ANO4: variants seen among roughly 807,000 people sequenced by gnomAD.
The protein encoded by ANO4 is anoctamin 4, also known as anoctamin-4.
Under a neutral mutation model 141.9 loss-of-function variants are expected in ANO4, and 69 were observed. The observed-to-expected ratio is 0.49, with a 90% CI of 0.40 to 0.59. ANO4 has a LOEUF of 0.59. Among genes scored for constraint, ANO4 ranks in the 20% least tolerant of loss-of-function variants. ANO4 has a pLI of 0.00. For missense variants in ANO4, 894 were observed against 1,162.2 expected, an observed-to-expected ratio of 0.77 and a Z score of 3.36; for synonymous variants, 350 against 394.3, an observed-to-expected ratio of 0.89 and a Z score of 1.33.
intron 1 of ANO4, among the ~76,000 whole-genome samples, chr12:100,896,637 G>T (rs2040367775): frequency 6.6e-6 from 1 of 152,174 alleles, no homozygotes; most frequent in Admixed American, 6.5e-5. Flanking sequence ...GTTAAATTGG[G>T]CTTTGGGAAC....
Position 100,902,906 on chromosome 12 carries a change from G to A in ANO4, c.55+1066G>A, listed in dbSNP as rs187807584. On this transcript the variant is annotated intron_variant, in intron 2 of 27. Coordinates refer to ENST00000392977, the MANE Select transcript of ANO4 (RefSeq NM_001286615.2). Reference sequence around the variant, plus strand: ...CACCTCTTCTGAAGCTTCCTCAGGAGAATGTGTCCTCTTGTTTTCATCTCT... The same window carrying A: ...CACCTCTTCTGAAGCTTCCTCAGGAAAATGTGTCCTCTTGTTTTCATCTCT... 5.3e-4 allele frequency among the ~76,000 whole-genome samples: 81 copies of A among 152,286 alleles called. No homozygotes were observed. In the Middle Eastern group the frequency reaches 0.01, roughly 19 times the overall value.
chr12:100,874,039 C>G (rs567806969), intron 1 of ANO4, among the ~76,000 whole-genome samples: 1 of 152,186 alleles, frequency 6.6e-6, no homozygotes, highest in Admixed American at 6.5e-5. Context: ...CAGCCATAAG[C>G]GTTGGTAGCT....
intron 3 of ANO4, among the ~76,000 whole-genome samples, chr12:100,784,313 A>G (rs964695722): frequency 6.6e-6 from 1 of 152,024 alleles, no homozygotes; most frequent in Non-Finnish European, 1.5e-5. Flanking sequence ...TCTTGTAGGG[A>G]TCTTCTAACT....
chr12:101,022,041 C>CAAAAAAAAA (rs34942464), intron 9 of ANO4, among the ~76,000 whole-genome samples: 1 of 76,114 alleles, frequency 1.3e-5, no homozygotes, highest in Non-Finnish European at 2.9e-5. Context: ...ATGACTCTGC[C>CAAAAAAAAA]AAAAAAAAAA....
At chr12:101,006,234 G>A (rs771683775) in intron 8 of ANO4, among the ~76,000 whole-genome samples, 5 of 152,136 alleles carry the variant, frequency 3.3e-5, no homozygotes, top group African/African-American at 7.2e-5. Flanking sequence ...ATACCTGGGA[G>A]TAAAATGATC....
intron 3 of ANO4, among the ~76,000 whole-genome samples, chr12:100,768,865 T>C (rs2033189349): frequency 6.6e-6 from 1 of 152,190 alleles, no homozygotes; most frequent in Non-Finnish European, 1.5e-5. Context: ...AGAATTAAGT[T>C]TGGCATCACA....
At chr12:100,959,304 C>G (rs76089192) in intron 5 of ANO4, among the ~76,000 whole-genome samples, 2,829 of 152,152 alleles carry the variant, frequency 0.019, 88 homozygotes, top group African/African-American at 0.065. Flanking sequence ...AAGGACTTTG[C>G]TCCTGTAATT....
chr12:100,916,097 T>C (rs139274886), intron 2 of ANO4, among the ~76,000 whole-genome samples: 1 of 152,190 alleles, frequency 6.6e-6, no homozygotes, highest in Non-Finnish European at 1.5e-5. Flanking sequence ...ATATATAGTA[T>C]ATAAAATTGG....
chr12:100,722,454 CG>C (rs1459198858), intron 1 of ANO4, among the ~76,000 whole-genome samples: 3 of 152,102 alleles, frequency 2.0e-5, no homozygotes, highest in African/African-American at 7.2e-5. Flanking sequence ...ACCCTCTGGG[CG>C]GGAGGTTGTT....
chr12:100,727,172 T>C (rs2031170488), intron 1 of ANO4, among the ~76,000 whole-genome samples: 1 of 152,238 alleles, frequency 6.6e-6, no homozygotes, highest in Admixed American at 6.5e-5. Context: ...ATTCAGTAAC[T>C]GTCCATTAAA....
At position 100,746,559 on chromosome 12, in the gene ANO4, T is replaced by A. The variant is rs188405621; in HGVS notation, c.358+6454T>A. Among the ~76,000 whole-genome samples, 10 of 152,290 alleles carry A rather than the reference T, an allele frequency of 6.6e-5. No homozygotes were observed. In the East Asian group the frequency reaches 1.7e-3, roughly 26 times the overall value. On this transcript the variant is annotated intron_variant, in intron 3 of 29. Transcript: ENST00000644049. Reference sequence around the variant, plus strand: ...AGAAGAATGATTTCTCAAGCAGGGATGATGTTGTTTCACAGGGGACATTTG... The same window carrying A: ...AGAAGAATGATTTCTCAAGCAGGGAAGATGTTGTTTCACAGGGGACATTTG...
In ANO4 at chr12:101,037,082, T is replaced by C; in HGVS notation, c.842-13T>C. ...CTCTGTATTAATTCAAATGGACTTA[T>C]TTGCTGTTTTAGGTCTGAATCGTTT... On this transcript the variant is annotated splice_polypyrimidine_tract_variant and intron_variant, in intron 9 of 27. Transcript: ENST00000392977. The C allele has an allele frequency of 6.2e-7, 1 of 1,613,368 alleles. No homozygotes were observed. The highest frequency in any genetic ancestry group is 1.1e-5 in the South Asian group (1 of 91,028).
intron 1 of ANO4, among the ~76,000 whole-genome samples, chr12:100,851,268 C>T (rs572356224): frequency 3.9e-5 from 6 of 152,114 alleles, no homozygotes; most frequent in Non-Finnish European, 7.4e-5. Context: ...TTCTTGTTTA[C>T]ATTTTAAACA....
At chr12:101,001,872 C>T (rs570944540) in intron 8 of ANO4, among the ~76,000 whole-genome samples, 3 of 152,164 alleles carry the variant, frequency 2.0e-5, no homozygotes, top group Non-Finnish European at 4.4e-5. Context: ...TTCAAGACCA[C>T]GTCTTAGAAA....
At chr12:100,854,035 C>T (rs966946533) in intron 1 of ANO4, among the ~76,000 whole-genome samples, 4 of 152,110 alleles carry the variant, frequency 2.6e-5, no homozygotes, top group African/African-American at 7.2e-5. Flanking sequence ...TTCTGTCTGG[C>T]TTCTAAGAAG....
At chr12:100,998,397 A>G (rs2045486287) in intron 8 of ANO4, among the ~76,000 whole-genome samples, 2 of 151,574 alleles carry the variant, frequency 1.3e-5, no homozygotes, top group African/African-American at 4.9e-5. Context: ...CTATCTATCT[A>G]TCTATCTATC....
intron 14 of ANO4, among the ~76,000 whole-genome samples, chr12:101,050,290 A>G (rs2047805854): frequency 6.6e-6 from 1 of 152,180 alleles, no homozygotes; most frequent in Admixed American, 6.5e-5. Flanking sequence ...GCCTCTCTCA[A>G]GCTTCGGGCT....
rs112033619 is a variant in ANO4, at chr12:101,000,472, T to C, written c.734+12802T>C. ...ATTGTTTTCATCGATCTGAAATCTT[T>C]AGAGAATCCTTCAGGCAGAGGTACC... is the stretch of plus-strand genomic sequence containing the variant. On this transcript the variant is annotated intron_variant, in intron 8 of 27. Coordinates refer to ENST00000392977, the MANE Select transcript of ANO4 (RefSeq NM_001286615.2). 5.6e-3 allele frequency among the ~76,000 whole-genome samples: 850 copies of C among 152,326 alleles called. 5 individuals carry two copies. The highest frequency in any genetic ancestry group is 0.016 in the South Asian group (78 of 4,824).
At chr12:100,717,268 G>C (rs535755752), upstream of ANO4, among the ~76,000 whole-genome samples, 13 of 151,820 alleles carry the variant, frequency 8.6e-5, no homozygotes, top group South Asian at 2.5e-3. Context: ...TTCAATCCCC[G>C]CGGGGACCCG....
Sources: allele counts gnomAD v4.1 joint callset (sites outside exome capture counted in the v4.1 genomes callset), GRCh38; gene constraint gnomAD v4.1.1; transcripts MANE v1.5; gene names NCBI Gene and HGNC (gene_info 2026-07-23, HGNC 2026-07-21).